Variants in TAAR5 observed in about 807,000 individuals in gnomAD.
The protein encoded by TAAR5 is trace amine associated receptor 5, also known as trace amine-associated receptor 5.
Under a neutral mutation model 21.1 loss-of-function variants are expected in TAAR5, and 27 were observed. The ratio of observed to expected loss-of-function variants is 1.28; its 90% CI spans 0.94 to 1.76. The LOEUF (loss-of-function observed/expected upper bound fraction) is 1.76. Ranked by LOEUF, TAAR5 falls within the 40% of genes most tolerant of loss-of-function variation. The pLI is 0.00. For synonymous variants in TAAR5, 203 were observed against 167.5 expected, an observed-to-expected ratio of 1.21 and a Z score of -1.64; for missense variants, 495 against 405.6, an observed-to-expected ratio of 1.22 and a Z score of -1.89.
the TAAR5 span, among the ~76,000 whole-genome samples, chr6:132,612,894 T>G: frequency 6.6e-6 from 1 of 152,202 alleles, no homozygotes; most frequent in Non-Finnish European, 1.5e-5. Flanking sequence ...CAGGGGACTC[T>G]GCCACACCCT....
At chr6:132,598,863 G>T in the TAAR5 span, among the ~76,000 whole-genome samples, 1 of 152,128 alleles carries the variant, frequency 6.6e-6, no homozygotes, top group Non-Finnish European at 1.5e-5. Flanking sequence ...GAGGAAGAGA[G>T]GAAGAGAAGA....
chr6:132,601,816 A>T, the TAAR5 span, among the ~76,000 whole-genome samples: 1 of 152,210 alleles, frequency 6.6e-6, no homozygotes, highest in African/African-American at 2.4e-5. Flanking sequence ...GCCATTTTTT[A>T]AAAGTGTGTG....
rs1562186293 is a variant in TAAR5, at chr6:132,589,176, A to G, written c.511T>C (p.Tyr171His). The G allele has an allele frequency of 1.2e-6, 2 of 1,608,132 alleles. No individual in the cohort carries two copies. The highest frequency in any genetic ancestry group is 8.5e-7 in the Non-Finnish European group (1 of 1,177,158). ...VPAAYTSLFL[Y>H]TDVVETRLSQ... ...AGCCTTGTCTCTACCACATCTGTGT[A>G]GAGGAATAACGAAGTGTATGCTGCG... is the stretch of plus-strand genomic sequence containing the variant. The change falls in exon 1 of 1, where the codon TAC becomes CAC. Residue 171 changes from tyrosine (Y) to histidine (H), a missense_variant. Transcript: ENST00000258034.
the TAAR5 span, among the ~76,000 whole-genome samples, chr6:132,600,597 A>G: frequency 6.6e-6 from 1 of 152,162 alleles, no homozygotes; most frequent in Non-Finnish European, 1.5e-5. Flanking sequence ...TAATTTGTAA[A>G]AGGAAAAACA....
the TAAR5 span, among the ~76,000 whole-genome samples, chr6:132,614,509 A>T: frequency 1.3e-5 from 2 of 152,232 alleles, no homozygotes; most frequent in Admixed American, 1.3e-4. Flanking sequence ...TATTTTGAAG[A>T]AGAGAATAAA....
In TAAR5 at chr6:132,589,404, A is replaced by G. The variant is rs41286168; in HGVS notation, c.283T>C (p.Ser95Pro). Reference sequence around the variant, plus strand: ...CCGAAGAACCAGCAGCTCTCCACTGAGCGAATGGTGCTGAGGGGCAGCACC... The same window carrying G: ...CCGAAGAACCAGCAGCTCTCCACTGGGCGAATGGTGCTGAGGGGCAGCACC... ...LLVLPLSTIR[S>P]VESCWFFGDF... Residue 95 changes from serine (S) to proline (P), a missense_variant, in exon 1 of 1, where the codon TCA (serine) becomes CCA (proline). Ser to Pro is a moderately conservative substitution (Grantham distance 74, BLOSUM62 -1). Transcript: ENST00000258034. 0.011 allele frequency: 17,420 copies of G among 1,614,116 alleles called. 124 individuals are homozygous for G. The highest frequency in any genetic ancestry group is 0.013 in the Non-Finnish European group (15,431 of 1,179,994).
In TAAR5 at chr6:132,589,357, G is replaced by T. The variant is rs778677134; in HGVS notation, c.330C>A (p.His110Gln). 1 of 1,614,090 alleles carries T rather than the reference G, an allele frequency of 6.2e-7. No individual in the cohort carries two copies. The highest frequency in any genetic ancestry group is 8.5e-7 in the Non-Finnish European group (1 of 1,180,002). ...WFFGDFLCRL[H>Q]TYLDTLFCLT... Reference sequence around the variant, plus strand: ...GGCAGAAGAGGGTGTCCAGGTAGGTGTGCAGGCGGCAGAGGAAGTCCCCGA... The same window carrying T: ...GGCAGAAGAGGGTGTCCAGGTAGGTTTGCAGGCGGCAGAGGAAGTCCCCGA... Residue 110 changes from histidine to glutamine, a missense_variant, in exon 1 of 1, where the codon CAC becomes CAA. Coordinates refer to ENST00000258034, the MANE Select transcript of TAAR5 (RefSeq NM_003967.3).
At chr6:132,603,520 G>A in the TAAR5 span, among the ~76,000 whole-genome samples, 1 of 150,690 alleles carries the variant, frequency 6.6e-6, no homozygotes, top group South Asian at 2.1e-4. Flanking sequence ...AAATGACAAG[G>A]GAAATCAATA....
upstream of TAAR5, among the ~76,000 whole-genome samples, chr6:132,590,565 G>A (rs1025225954): frequency 6.6e-6 from 1 of 152,178 alleles, no homozygotes; most frequent in African/African-American, 2.4e-5. Flanking sequence ...GAATGTCAGA[G>A]TACTCTTCTG....
Position 132,589,002 on chromosome 6 carries a change from G to A in TAAR5, c.685C>T (p.Gln229Ter). The change falls in exon 1 of 1, where the codon CAG becomes TAG. Residue 229 changes from glutamine (Q) to a stop codon, truncating the protein, a stop_gained. Coordinates refer to ENST00000258034, the MANE Select transcript of TAAR5 (RefSeq NM_003967.3). LOFTEE classifies it high-confidence loss of function. ...CTCAATGTGGTAATCTGCTGAGCCT[G>A]TCTGGTAGCAACCACAAAGATCTTC... is the stretch of plus-strand genomic sequence containing the variant. ...YVKIFVVATR[Q>*]AQQITTLSKS... is the part of the protein sequence containing the mutation. 6.2e-7 allele frequency: 1 copy of A among 1,613,686 alleles called. No individual in the cohort carries two copies.
chr6:132,599,733 T>C, the TAAR5 span, among the ~76,000 whole-genome samples: 1 of 152,230 alleles, frequency 6.6e-6, no homozygotes, highest in African/African-American at 2.4e-5. Context: ...TGAAATTAAA[T>C]GCCTTCGTGA....
upstream of TAAR5, chr6:132,589,778 A>G (rs1776879992): frequency 2.3e-6 from 2 of 884,186 alleles, no homozygotes; most frequent in Non-Finnish European, 1.6e-6. Flanking sequence ...AAAAAAAAAT[A>G]TGTCTGCTAA....
rs1452320498 is a variant in TAAR5 at position 132,589,163 on chromosome 6, A to G, written c.524T>C (p.Val175Ala). The change falls in exon 1 of 1, where the codon GTA becomes GCA. Residue 175 changes from valine (V) to alanine (A), a missense_variant. Val to Ala is a moderately conservative substitution (Grantham distance 64). Coordinates refer to ENST00000258034, the MANE Select transcript of TAAR5 (RefSeq NM_003967.3). ...YTSLFLYTDVVETRLSQWLEE... is the reference protein window; with the variant it reads ...YTSLFLYTDVAETRLSQWLEE... ...CAGCCACTGGCTGAGCCTTGTCTCT[A>G]CCACATCTGTGTAGAGGAATAACGA... 2 of 1,609,654 alleles carry G rather than the reference A, an allele frequency of 1.2e-6. No individual in the cohort carries two copies. Among genetic ancestry groups the G allele is most frequent in the Admixed American group, 3.3e-5 (2 of 59,776 alleles).
chr6:132,610,061 C>A, the TAAR5 span, among the ~76,000 whole-genome samples: 5 of 152,108 alleles, frequency 3.3e-5, no homozygotes, highest in Admixed American at 6.6e-5. Flanking sequence ...CCCTGAGAGA[C>A]CAATAAAAAT....
the TAAR5 span, among the ~76,000 whole-genome samples, chr6:132,600,381 A>G: frequency 0.15 from 22,882 of 152,120 alleles, 2,319 homozygotes; most frequent in African/African-American, 0.28. Context: ...AAATGTTTCA[A>G]TGGTATTTGG....
upstream of TAAR5, among the ~76,000 whole-genome samples, chr6:132,593,932 A>C (rs775456358): frequency 6.6e-6 from 1 of 152,218 alleles, no homozygotes; most frequent in Non-Finnish European, 1.5e-5. Context: ...AGCATGCTCC[A>C]TAACTCAGAC....
chr6:132,597,420 G>A, the TAAR5 span, among the ~76,000 whole-genome samples: 1,875 of 152,226 alleles, frequency 0.012, 37 homozygotes, highest in African/African-American at 0.043. Context: ...GTAACCACAT[G>A]AAAATATGAC....
At chr6:132,611,859 T>C in the TAAR5 span, among the ~76,000 whole-genome samples, 1 of 152,220 alleles carries the variant, frequency 6.6e-6, no homozygotes, top group Middle Eastern at 3.2e-3. Flanking sequence ...AGTTTATTAC[T>C]ACTGTATCAT....
At chr6:132,607,356 A>G in the TAAR5 span, among the ~76,000 whole-genome samples, 1 of 152,208 alleles carries the variant, frequency 6.6e-6, no homozygotes, top group East Asian at 1.9e-4. Context: ...GTATTTCCCA[A>G]TTCATGAAGG....
Sources: allele counts gnomAD v4.1 joint callset (sites outside exome capture counted in the v4.1 genomes callset), GRCh38; gene constraint gnomAD v4.1.1; transcripts MANE v1.5; gene names NCBI Gene and HGNC (gene_info 2026-07-23, HGNC 2026-07-21).